RAP1GAP2: variants seen among roughly 807,000 people sequenced by gnomAD.
RAP1GAP2 encodes rap1 GTPase-activating protein 2.
In RAP1GAP2, 27 loss-of-function variants were observed where a neutral mutation model predicts 95.0. The observed-to-expected ratio is 0.28, with a 90% CI of 0.21 to 0.39. The LOEUF (loss-of-function observed/expected upper bound fraction) is 0.39. RAP1GAP2 is among the 10% of genes least tolerant of loss of function. RAP1GAP2 has a pLI of 1.00. For synonymous variants in RAP1GAP2, 373 were observed against 380.9 expected, an observed-to-expected ratio of 0.98 and a Z score of 0.24; for missense variants, 771 against 970.0, an observed-to-expected ratio of 0.79 and a Z score of 2.72.
At chr17:2,828,942 T>C (rs1056565942) in intron 2 of RAP1GAP2, among the ~76,000 whole-genome samples, 41 of 146,038 alleles carry the variant, frequency 2.8e-4, no homozygotes, top group African/African-American at 9.8e-4. Context: ...CTCTCATTGC[T>C]CCCTGGGGGG....
At chr17:2,869,648 G>T (rs1202856162) in intron 2 of RAP1GAP2, among the ~76,000 whole-genome samples, 1 of 152,174 alleles carries the variant, frequency 6.6e-6, no homozygotes, top group African/African-American at 2.4e-5. Flanking sequence ...GAAGTTGAAG[G>T]TCCCTCAGGG....
chr17:2,911,298 A>G (rs1314434382), intron 3 of RAP1GAP2, among the ~76,000 whole-genome samples: 3 of 144,922 alleles, frequency 2.1e-5, no homozygotes, highest in Non-Finnish European at 3.0e-5. Context: ...ATAAAAAGCA[A>G]CCAAAGAGAT....
At chr17:2,931,396 G>T (rs1203680217) in intron 3 of RAP1GAP2, among the ~76,000 whole-genome samples, 3 of 152,006 alleles carry the variant, frequency 2.0e-5, no homozygotes, top group African/African-American at 4.8e-5. Flanking sequence ...TGGATATTGT[G>T]GGACGCCACG....
At chr17:2,842,541 A>T (rs1044551472) in intron 2 of RAP1GAP2, among the ~76,000 whole-genome samples, 11 of 71,588 alleles carry the variant, frequency 1.5e-4, no homozygotes, top group Admixed American at 2.9e-4. Context: ...AAAAAAAAAA[A>T]AAAAAAAAAA....
At chr17:2,875,756 C>T (rs113180213) in intron 2 of RAP1GAP2, among the ~76,000 whole-genome samples, 2 of 152,132 alleles carry the variant, frequency 1.3e-5, no homozygotes, top group African/African-American at 4.8e-5. Flanking sequence ...GCTGGCCTTC[C>T]ACCTGCTGTC....
At chr17:2,890,178 G>C (rs1445107433) in intron 2 of RAP1GAP2, among the ~76,000 whole-genome samples, 1 of 152,014 alleles carries the variant, frequency 6.6e-6, no homozygotes, top group African/African-American at 2.4e-5. Flanking sequence ...ACGGTCACAA[G>C]CAAGAAAGGG....
At chr17:2,922,442 C>A (rs1244259768) in intron 3 of RAP1GAP2, among the ~76,000 whole-genome samples, 1 of 152,164 alleles carries the variant, frequency 6.6e-6, no homozygotes, top group East Asian at 1.9e-4. Context: ...TTTTGGGGGC[C>A]ACCATTACGG....
intron 8 of RAP1GAP2, among the ~76,000 whole-genome samples, chr17:2,970,850 G>C (rs941247436): frequency 1.5e-4 from 23 of 151,568 alleles, no homozygotes; most frequent in African/African-American, 5.3e-4. Context: ...GACCAGCCTG[G>C]GCAACACAGG....
chr17:2,987,385 C>T (rs893846086), intron 11 of RAP1GAP2, among the ~76,000 whole-genome samples: 5 of 151,646 alleles, frequency 3.3e-5, no homozygotes, highest in Non-Finnish European at 5.9e-5. Context: ...TTTTTTGAGA[C>T]GGAGTTTTGC....
chr17:2,877,690 G>T (rs1030868844), intron 2 of RAP1GAP2, among the ~76,000 whole-genome samples: 1 of 152,334 alleles, frequency 6.6e-6, no homozygotes, highest in Non-Finnish European at 1.5e-5. Context: ...GGTGGAGGTT[G>T]CAGTGAACTG....
intron 21 of RAP1GAP2, 59 bp from the exon 22 acceptor site, chr17:3,026,885 C>A: frequency 6.6e-7 from 1 of 1,526,324 alleles, no homozygotes; most frequent in Non-Finnish European, 8.8e-7. Flanking sequence ...TGCCTCAGGC[C>A]TGCGTGGGCG....
intron 20 of RAP1GAP2, 112 bp from the exon 21 acceptor site, chr17:3,026,238 C>T: frequency 1.5e-6 from 2 of 1,309,270 alleles, no homozygotes; most frequent in South Asian, 2.5e-5. Flanking sequence ...CTCCAGAACA[C>T]AAAGGCCGAC....
Position 3,033,333 on chromosome 17 carries a change from C to T in RAP1GAP2, c.*31-59C>T, listed in dbSNP as rs1022396640. On this transcript the variant is annotated intron_variant, in intron 24 of 24. Transcript: ENST00000254695. This position sits in a 1 kb window ranked among gnomAD's most constrained non-coding sequence, Gnocchi z 4.9. Reference sequence around the variant, plus strand: ...CACCCCTTGCTCCCGACGTCCGCGTCGTCCCCTCCTTCCTGTACGGAATGT... The same window carrying T: ...CACCCCTTGCTCCCGACGTCCGCGTTGTCCCCTCCTTCCTGTACGGAATGT... 5.9e-5 allele frequency: 9 copies of T among 152,842 alleles called. No individual in the cohort carries two copies. The highest frequency in any genetic ancestry group is 1.9e-4 in the African/African-American group (8 of 41,442). The allele number at this position is 152,842 out of a possible 1,614,324, so 9.5% of individuals were successfully genotyped here. A position where few individuals can be genotyped will look rare whatever the true frequency, so the allele number is the denominator to read the frequency against.
rs149669822 is a variant in RAP1GAP2 at position 3,013,540 on chromosome 17, A to G, written c.1495-4521A>G. ...CCCAGCCTGCCGCCTCCTCACACTT[A>G]CCTTGCTGACTCCGGCGGCTGCACC... On this transcript the variant is annotated intron_variant, in intron 17 of 24. Transcript: ENST00000254695. Among the ~76,000 whole-genome samples the G allele has an allele frequency of 1.6e-4, 23 of 148,248 alleles. No individual in the cohort carries two copies. In the East Asian group the frequency reaches 4.0e-3, roughly 26 times the overall value.
At chr17:2,966,032 A>G (rs2044581948) in intron 8 of RAP1GAP2, 1 of 209,962 alleles carries the variant, frequency 4.8e-6, no homozygotes, top group African/African-American at 2.3e-5. Context: ...CCTGTGGTAT[A>G]CATCTTGCCA....
Position 2,902,373 on chromosome 17 carries a change from T to A in RAP1GAP2, c.81-2911T>A, listed in dbSNP as rs1449421733. Among the ~76,000 whole-genome samples, 1 of 152,160 alleles carries A rather than the reference T, an allele frequency of 6.6e-6. No individual in the cohort carries two copies. The highest frequency in any genetic ancestry group is 1.5e-5 in the Non-Finnish European group (1 of 68,016). ...CTCGGATGACAGGCACACGCCACCA[T>A]GCCTGGCTAATTTTTGTATTTTTAG... On this transcript the variant is annotated intron_variant, in intron 2 of 24. Transcript: ENST00000254695. The surrounding 1 kb of genome is among the most constrained non-coding windows in gnomAD (Gnocchi z 4.1).
chr17:2,848,765 C>T (rs1055841890), intron 2 of RAP1GAP2, among the ~76,000 whole-genome samples: 2 of 152,290 alleles, frequency 1.3e-5, no homozygotes, highest in African/African-American at 4.8e-5. Flanking sequence ...TCGCCTGCCA[C>T]GGCCTTCCAA....
At chr17:2,972,188 C>G (rs1442753518) in intron 8 of RAP1GAP2, among the ~76,000 whole-genome samples, 2 of 151,978 alleles carry the variant, frequency 1.3e-5, no homozygotes, top group Non-Finnish European at 2.9e-5. Flanking sequence ...AAAAAGTTCT[C>G]AAAGAATTAT....
intron 8 of RAP1GAP2, among the ~76,000 whole-genome samples, chr17:2,973,978 G>A (rs1427660078): frequency 1.3e-5 from 2 of 152,170 alleles, no homozygotes; most frequent in Non-Finnish European, 1.5e-5. Context: ...GAACTAGGAT[G>A]AAAATAGATT....
Sources: gnomAD v4.1 joint callset for allele counts (sites outside exome capture counted in the v4.1 genomes callset) on GRCh38, gnomAD v4.1.1 for gene constraint, Gnocchi (gnomAD v3.1) non-coding constraint, MANE v1.5 for transcripts, NCBI Gene and HGNC (gene_info 2026-07-23, HGNC 2026-07-21) for gene names.